BET1: variants seen among roughly 807,000 people sequenced by gnomAD.
The protein encoded by BET1 is BET1 homolog.
BET1 carries 9 observed loss-of-function variants against 13.9 expected under a neutral mutation model. The observed-to-expected ratio is 0.65, with a 90% CI of 0.39 to 1.13. The LOEUF (loss-of-function observed/expected upper bound fraction) is 1.13. Among genes scored for constraint, BET1 ranks in the 50% most tolerant of loss-of-function variants. The pLI is 0.01. For missense variants in BET1, 127 were observed against 133.6 expected, an observed-to-expected ratio of 0.95 and a Z score of 0.24; for synonymous variants, 39 against 47.3, an observed-to-expected ratio of 0.82 and a Z score of 0.72.
exon 7 of BET1, chr7:93,965,520 T>G (rs1031652398): frequency 2.6e-5 from 4 of 152,038 alleles, no homozygotes; most frequent in African/African-American, 9.7e-5. Flanking sequence ...AAGTATAATA[T>G]CATTGACAGG....
At chr7:93,968,210 T>C (rs2116018657) in intron 6 of BET1, 1 of 151,956 alleles carries the variant, frequency 6.6e-6, no homozygotes, top group Non-Finnish European at 1.5e-5. Context: ...TCAATTATTT[T>C]TAGAAAGAAT....
intron 2 of BET1, among the ~76,000 whole-genome samples, chr7:93,997,642 T>C (rs907801828): frequency 2.6e-5 from 4 of 152,186 alleles, no homozygotes; most frequent in African/African-American, 9.6e-5. Flanking sequence ...TATATTGAAA[T>C]ACCAATTAAG....
downstream of BET1, chr7:93,991,944 C>G (rs544201377): frequency 4.3e-5 from 42 of 983,596 alleles, no homozygotes; most frequent in Middle Eastern, 5.2e-4. Flanking sequence ...ATTAGGAAAA[C>G]TATTTTATAG....
At chr7:93,970,067 C>T (rs1795234621) in intron 6 of BET1, among the ~76,000 whole-genome samples, 1 of 151,618 alleles carries the variant, frequency 6.6e-6, no homozygotes, top group Non-Finnish European at 1.5e-5. Flanking sequence ...AATGAAATAC[C>T]TAAATTCACA....
chr7:93,993,231 A>T (rs1795676962), downstream of BET1: 1 of 978,152 alleles, frequency 1.0e-6, no homozygotes, highest in Non-Finnish European at 1.2e-6. Context: ...TGTAAAAGAG[A>T]CTTAAAGAAG....
intron 1 of BET1, among the ~76,000 whole-genome samples, chr7:94,000,626 G>A (rs528950688): frequency 6.6e-6 from 1 of 152,006 alleles, no homozygotes; most frequent in African/African-American, 2.4e-5. Context: ...AGAGTTCATC[G>A]GCCTGAGTTA....
intron 6 of BET1, among the ~76,000 whole-genome samples, chr7:93,967,784 T>C (rs370716039): frequency 6.6e-5 from 10 of 151,842 alleles, no homozygotes; most frequent in Middle Eastern, 3.4e-3. Flanking sequence ...ATATAAACCA[T>C]CAGAATAATA....
intron 6 of BET1, among the ~76,000 whole-genome samples, chr7:93,971,248 C>A (rs1022916052): frequency 6.6e-6 from 1 of 151,706 alleles, no homozygotes; most frequent in African/African-American, 2.4e-5. Flanking sequence ...GCCCAGACCC[C>A]CTTTTAACAA....
intron 4 of BET1, among the ~76,000 whole-genome samples, chr7:93,986,189 C>T (rs1795525456): frequency 6.6e-6 from 1 of 152,150 alleles, no homozygotes; most frequent in African/African-American, 2.4e-5. Context: ...TACCTGTGAA[C>T]ATGTGCAGGA....
At chr7:93,991,552 A>T (rs1001789569), downstream of BET1, 2 of 155,292 alleles carry the variant, frequency 1.3e-5, no homozygotes, top group African/African-American at 4.8e-5. Context: ...TACAACACAG[A>T]AATAAAAAAT....
chr7:93,983,721 T>G (rs569555511), intron 4 of BET1, among the ~76,000 whole-genome samples: 4 of 152,104 alleles, frequency 2.6e-5, no homozygotes, highest in Non-Finnish European at 4.4e-5. Flanking sequence ...TCTGGGTGCA[T>G]TATTTACCCA....
chr7:93,993,923 T>C lies in BET1; in HGVS notation c.*307A>G. On this transcript the variant is annotated 3_prime_UTR_variant, in exon 4 of 4. Coordinates refer to ENST00000222547, the MANE Select transcript of BET1 (RefSeq NM_005868.6). Reference sequence around the variant, plus strand: ...ATGGGACATAAACCTGCATTTATGATTACAACAAAATATTATAATGCTATT... The same window carrying C: ...ATGGGACATAAACCTGCATTTATGACTACAACAAAATATTATAATGCTATT... 1 of 1,535,472 alleles carries C rather than the reference T, an allele frequency of 6.5e-7. No homozygotes were observed.
downstream of BET1, among the ~76,000 whole-genome samples, chr7:93,989,767 T>A (rs1241284660): frequency 6.6e-6 from 1 of 152,212 alleles, no homozygotes; most frequent in Non-Finnish European, 1.5e-5. Context: ...GTTTTCTATA[T>A]CCCCATTGAT....
chr7:93,981,969 G>A (rs191402522), intron 4 of BET1, among the ~76,000 whole-genome samples: 1 of 152,256 alleles, frequency 6.6e-6, no homozygotes, highest in East Asian at 1.9e-4. Flanking sequence ...AGGCGAAGCT[G>A]AGTAGCTCTG....
At chr7:93,992,591 T>C (rs919472915), downstream of BET1, 3 of 985,248 alleles carry the variant, frequency 3.0e-6, no homozygotes, top group African/African-American at 3.5e-5. Flanking sequence ...CACTCTCCAA[T>C]TGCCTGATGA....
downstream of BET1, among the ~76,000 whole-genome samples, chr7:93,989,478 A>G (rs555703250): frequency 4.6e-4 from 70 of 152,288 alleles, 2 homozygotes; most frequent in Middle Eastern, 0.024. Flanking sequence ...GCCATGCCCA[A>G]AAGGTAGATT....
Position 93,994,183 on chromosome 7 carries a change from T to C in BET1, c.*47A>G. Reference sequence around the variant, plus strand: ...ATGCTGATTTTTATCAAAGTGGTACTGCAAGCCATTAAGTTGGAACAAATT... The same window carrying C: ...ATGCTGATTTTTATCAAAGTGGTACCGCAAGCCATTAAGTTGGAACAAATT... On this transcript the variant is annotated 3_prime_UTR_variant, in exon 4 of 4. Transcript: ENST00000222547. The C allele has an allele frequency of 6.4e-7, 1 of 1,563,632 alleles. No homozygotes were observed. Among genetic ancestry groups the C allele is most frequent in the Non-Finnish European group, 8.7e-7 (1 of 1,155,376 alleles).
In BET1 at chr7:94,004,314, G is replaced by C; in HGVS notation, c.-98C>G. 1 of 1,516,606 alleles carries C rather than the reference G, an allele frequency of 6.6e-7. No homozygotes were observed. Among genetic ancestry groups the C allele is most frequent in the Non-Finnish European group, 9.2e-7 (1 of 1,092,870 alleles). 93.9% of individuals were successfully genotyped at this position (1,516,606 alleles called of 1,614,324 possible). On this transcript the variant is annotated 5_prime_UTR_variant, in exon 1 of 4. Transcript: ENST00000222547. ...ACCGCGTCTTCAGTACCAGGGCCCA[G>C]CGAAACACCAACTTCTTCCCCTAAA...
chr7:93,964,017 G>C (rs977612899), exon 7 of BET1: 1 of 151,910 alleles, frequency 6.6e-6, no homozygotes, highest in Non-Finnish European at 1.5e-5. Context: ...AGTGAGCCAA[G>C]ATTGCGCCAC....
Sources: allele counts gnomAD v4.1 joint callset (sites outside exome capture counted in the v4.1 genomes callset), GRCh38; gene constraint gnomAD v4.1.1; transcripts MANE v1.5; gene names NCBI Gene and HGNC (gene_info 2026-07-23, HGNC 2026-07-21).